The following CNTLN variants were observed in gnomAD, a reference collection of about 807,000 sequenced individuals.
CNTLN encodes centlein.
Under a neutral mutation model 180.0 loss-of-function variants are expected in CNTLN, and 212 were observed. The ratio of observed to expected loss-of-function variants is 1.18; its 90% confidence interval spans 1.05 to 1.32. The LOEUF is 1.32. Among genes scored for constraint, CNTLN ranks in the 40% most tolerant of loss-of-function variants. CNTLN has a pLI of 0.00. For synonymous variants in CNTLN, 722 were observed against 563.1 expected (o/e 1.28, Z -3.99); for missense variants, 2,095 against 1,610.9 (o/e 1.30, Z -5.14).
chr9:17,405,291 T>G (rs1472198621), intron 15 of CNTLN, among the ~76,000 whole-genome samples: 1 of 151,730 alleles, frequency 6.6e-6, no homozygotes, highest in Non-Finnish European at 1.5e-5. Flanking sequence ...TTGTCTTCAG[T>G]CAGTGGACAT....
chr9:17,268,257 C>T (rs1286013560), intron 5 of CNTLN, among the ~76,000 whole-genome samples: 1 of 152,180 alleles, frequency 6.6e-6, no homozygotes, highest in Admixed American at 6.5e-5. Context: ...TTCTATCAGA[C>T]AGGACCCTCA....
intron 2 of CNTLN, among the ~76,000 whole-genome samples, chr9:17,189,156 C>T (rs1005246934): frequency 2.9e-5 from 4 of 137,106 alleles, no homozygotes; most frequent in African/African-American, 8.3e-5. Flanking sequence ...GATCTCGGCT[C>T]ACTGCAAGCT....
intron 5 of CNTLN, among the ~76,000 whole-genome samples, chr9:17,252,821 T>A (rs1000057464): frequency 1.3e-5 from 2 of 151,832 alleles, no homozygotes; most frequent in African/African-American, 4.8e-5. Flanking sequence ...TTTGAGTTCT[T>A]AGGCATAAAA....
chr9:17,507,222 T>G (rs1487957277), downstream of CNTLN, among the ~76,000 whole-genome samples: 1 of 152,166 alleles, frequency 6.6e-6, no homozygotes, highest in African/African-American at 2.4e-5. Flanking sequence ...TCTCCCACTT[T>G]TAAATGAGAA....
At chr9:17,462,802 ATTG>A (rs1243708395) in intron 19 of CNTLN, 111 bp from the exon 20 acceptor site, 1 of 425,298 alleles carries the variant, frequency 2.4e-6, no homozygotes, top group Non-Finnish European at 4.3e-6. Context: ...CATTTTAATT[ATTG>A]TTTACCATAA....
intron 15 of CNTLN, among the ~76,000 whole-genome samples, chr9:17,403,015 A>G (rs1587898295): frequency 6.6e-6 from 1 of 151,766 alleles, no homozygotes; most frequent in African/African-American, 2.4e-5. Context: ...ATTGAGATCA[A>G]TGTTGAGGGA....
chr9:17,273,581 A>G (rs1170375435), intron 5 of CNTLN, 152 bp from the exon 6 acceptor site: 3 of 440,316 alleles, frequency 6.8e-6, no homozygotes, highest in Non-Finnish European at 1.2e-5. Flanking sequence ...ACTGGTATAA[A>G]AGTTATTGTT....
chr9:17,315,952 T>C (rs1380563352), intron 8 of CNTLN, among the ~76,000 whole-genome samples: 2 of 48,956 alleles, frequency 4.1e-5, no homozygotes, highest in Non-Finnish European at 1.2e-4. Context: ...CTATTTCTCC[T>C]TTCTGTTCTA....
intron 6 of CNTLN, among the ~76,000 whole-genome samples, chr9:17,283,594 G>C (rs936400708): frequency 4.6e-5 from 7 of 151,968 alleles, no homozygotes; most frequent in African/African-American, 1.7e-4. Context: ...TTGTTTCTTT[G>C]TCTTCCCTGA....
intron 12 of CNTLN, among the ~76,000 whole-genome samples, chr9:17,359,950 T>C (rs1265242403): frequency 6.6e-6 from 1 of 151,742 alleles, no homozygotes; most frequent in East Asian, 1.9e-4. Flanking sequence ...ACGGACATAC[T>C]AATGGCCAAT....
chr9:17,222,916 C>T (rs568226289), intron 2 of CNTLN, among the ~76,000 whole-genome samples: 3 of 151,966 alleles, frequency 2.0e-5, no homozygotes, highest in African/African-American at 4.8e-5. Flanking sequence ...AATCCTCATA[C>T]TTCTTTATGC....
At chr9:17,522,096 A>G in the CNTLN span, among the ~76,000 whole-genome samples, 3 of 152,172 alleles carry the variant, frequency 2.0e-5, no homozygotes, top group Non-Finnish European at 2.9e-5. Flanking sequence ...TTGCTATGAT[A>G]GTCTCAGTTT....
chr9:17,488,450 T>C (rs959736290), intron 25 of CNTLN, among the ~76,000 whole-genome samples: 10 of 152,132 alleles, frequency 6.6e-5, no homozygotes, highest in Non-Finnish European at 1.3e-4. Flanking sequence ...ATGATAAAAA[T>C]AAACTTTTTA....
At chr9:17,333,054 T>G (rs1007282465) in intron 10 of CNTLN, among the ~76,000 whole-genome samples, 4 of 152,162 alleles carry the variant, frequency 2.6e-5, no homozygotes, top group African/African-American at 9.6e-5. Context: ...GAATTTCTTC[T>G]TCTTTATATA....
rs1832799045 is a variant in CNTLN at position 17,484,453 on chromosome 9, G to A, written c.4014G>A (p.Glu1338=). 1.8e-5 allele frequency: 29 copies of A among 1,602,878 alleles called. No individual in the cohort carries two copies. The highest frequency in any genetic ancestry group is 2.5e-5 in the Non-Finnish European group (29 of 1,177,320). The part of the protein sequence containing the change: ...SILNISRSDL[E]EILDTEDQVE... ...TGAACATTTCACGGTCAGATTTAGA[G>A]GAAATATTAGACACAGAAGATCAAG... The change falls in exon 24 of 26, where the codon GAG becomes GAA. Residue 1338 remains glutamate (E), a synonymous_variant. Coordinates refer to ENST00000380647, the MANE Select transcript of CNTLN (RefSeq NM_017738.4).
rs1485653900 is a variant in CNTLN at position 17,336,496 on chromosome 9, C to T, written c.1644+3766C>T. Among the ~76,000 whole-genome samples the T allele has an allele frequency of 2.0e-5, 3 of 152,118 alleles. 1 individual carries two copies. The highest frequency in any genetic ancestry group is 4.1e-4 in the South Asian group (2 of 4,826). Reference sequence around the variant, plus strand: ...ATGATTTACACTTTGACAGCAGCGTCCCCAAACATGAATCTTTGGATGAAA... The same window carrying T: ...ATGATTTACACTTTGACAGCAGCGTTCCCAAACATGAATCTTTGGATGAAA... On this transcript the variant is annotated intron_variant, in intron 10 of 25. Transcript: ENST00000380647.
chr9:17,510,006 C>G, the CNTLN span, among the ~76,000 whole-genome samples: 5 of 152,126 alleles, frequency 3.3e-5, no homozygotes, highest in African/African-American at 1.2e-4. Flanking sequence ...AATTGGACTA[C>G]TACTCTACAA....
intron 12 of CNTLN, among the ~76,000 whole-genome samples, chr9:17,366,387 C>T (rs1336124965): frequency 2.6e-5 from 4 of 151,974 alleles, no homozygotes; most frequent in Non-Finnish European, 2.9e-5. Context: ...CAAGTGATCC[C>T]CTTGCCTTGG....
chr9:17,175,594 T>C (rs1198173298), intron 2 of CNTLN, among the ~76,000 whole-genome samples: 1 of 152,210 alleles, frequency 6.6e-6, no homozygotes, highest in Non-Finnish European at 1.5e-5. Context: ...TCCTGCTTTT[T>C]CTTCCTTTTC....
Sources: allele counts gnomAD v4.1 joint callset (sites outside exome capture counted in the v4.1 genomes callset), GRCh38; gene constraint gnomAD v4.1.1; transcripts MANE v1.5; gene names NCBI Gene and HGNC (gene_info 2026-07-23, HGNC 2026-07-21).